FHIP1A: variants seen among roughly 807,000 people sequenced by gnomAD.
FHIP1A encodes FHF complex subunit HOOK-interacting protein 1A.
In FHIP1A, 61 loss-of-function variants were observed where a neutral mutation model predicts 88.6. That is an observed-to-expected ratio of 0.69 (90% confidence interval 0.56 to 0.85). The LOEUF (loss-of-function observed/expected upper bound fraction) is 0.85, where lower values mean the gene tolerates loss of function less well. Among genes scored for constraint, FHIP1A ranks in the 40% least tolerant of loss-of-function variants. The probability of loss-of-function intolerance (pLI) is 0.00; values close to 1 mark genes in which losing one functional copy is unlikely to be tolerated. For missense variants in FHIP1A, 1,154 were observed against 1,273.5 expected (o/e 0.91, Z 1.43); for synonymous variants, 478 against 496.0 (o/e 0.96, Z 0.48).
chr4:151,569,941 A>G (rs759596106), intron 4 of FHIP1A, among the ~76,000 whole-genome samples: 6 of 152,218 alleles, frequency 3.9e-5, no homozygotes, highest in Non-Finnish European at 8.8e-5. Flanking sequence ...GAATGGTTGC[A>G]TTCCAAATAG....
chr4:151,644,641 A>T (rs9307882), intron 9 of FHIP1A, among the ~76,000 whole-genome samples: 5,173 of 152,220 alleles, frequency 0.034, 293 homozygotes, highest in African/African-American at 0.12. Context: ...CATGAGGCAC[A>T]GTACCCCACC....
At chr4:151,632,054 C>G (rs1273585174) in intron 8 of FHIP1A, among the ~76,000 whole-genome samples, 1 of 152,052 alleles carries the variant, frequency 6.6e-6, no homozygotes, top group Non-Finnish European at 1.5e-5. Flanking sequence ...AAAAGACACT[C>G]ACTTTCGATC....
Position 151,495,873 on chromosome 4 carries a change from T to C in FHIP1A, c.-123+13225T>C, listed in dbSNP as rs1730444058. Reference sequence around the variant, plus strand: ...CTTGACCTCAGATGATCCTCCCGCATTGGCCACCCAAAGTGCTGAGATTAC... The same window carrying C: ...CTTGACCTCAGATGATCCTCCCGCACTGGCCACCCAAAGTGCTGAGATTAC... On this transcript the variant is annotated intron_variant, in intron 3 of 13. Coordinates refer to ENST00000435205, the MANE Select transcript of FHIP1A (RefSeq NM_001109977.3). 2.6e-5 allele frequency among the ~76,000 whole-genome samples: 4 copies of C among 152,274 alleles called. No homozygotes were observed. The South Asian group carries it at 6.2e-4, about 24-fold the overall frequency.
intron 3 of FHIP1A, among the ~76,000 whole-genome samples, chr4:151,549,489 T>TAAAA (rs57072592): frequency 1.8e-5 from 2 of 112,712 alleles, no homozygotes; most frequent in African/African-American, 3.4e-5. Flanking sequence ...AGACTCTGTC[T>TAAAA]AAAAAAAAAA....
At chr4:151,572,171 C>A (rs1330849035) in intron 4 of FHIP1A, among the ~76,000 whole-genome samples, 1 of 152,188 alleles carries the variant, frequency 6.6e-6, no homozygotes, top group African/African-American at 2.4e-5. Flanking sequence ...TGCACCATTG[C>A]ACTCCAGCCT....
intron 7 of FHIP1A, 22 bp downstream of exon 7, chr4:151,588,948 T>C (rs1158391330): frequency 7.0e-7 from 1 of 1,429,282 alleles, no homozygotes; most frequent in Non-Finnish European, 9.7e-7. Flanking sequence ...GCTCATGTAA[T>C]CTTCTGTCTC....
intron 3 of FHIP1A, among the ~76,000 whole-genome samples, chr4:151,488,817 T>G (rs920531971): frequency 7.9e-5 from 12 of 152,232 alleles, no homozygotes; most frequent in African/African-American, 2.7e-4. Flanking sequence ...TCAATATTGA[T>G]CATATGAAAG....
intron 5 of FHIP1A, among the ~76,000 whole-genome samples, chr4:151,584,198 A>G (rs1734124896): frequency 6.6e-6 from 1 of 152,078 alleles, no homozygotes; most frequent in African/African-American, 2.4e-5. Context: ...AGGCCCTCCC[A>G]TGACTTCATA....
In FHIP1A at chr4:151,450,435, A is replaced by G. The variant is rs115157310; in HGVS notation, c.-355-4266A>G. Among the ~76,000 whole-genome samples, 593 of 152,246 alleles carry G rather than the reference A, an allele frequency of 3.9e-3. 3 individuals carry two copies. The highest frequency in any genetic ancestry group is 0.014 in the African/African-American group (569 of 41,554). On this transcript the variant is annotated intron_variant, in intron 1 of 13. Transcript: ENST00000435205. ...GGGTGAATTGTGTTCTAGTTTATGGATATACCGTTATTTATTTAATCTATC... is the reference window on the plus strand; with the variant it reads ...GGGTGAATTGTGTTCTAGTTTATGGGTATACCGTTATTTATTTAATCTATC...
intron 7 of FHIP1A, among the ~76,000 whole-genome samples, chr4:151,626,848 A>C (rs538163541): frequency 9.1e-4 from 139 of 152,328 alleles, no homozygotes; most frequent in Non-Finnish European, 1.8e-3. Context: ...TTGGGGCATT[A>C]GCAGAAGATT....
intron 7 of FHIP1A, among the ~76,000 whole-genome samples, chr4:151,621,244 G>A (rs1288605475): frequency 6.6e-6 from 1 of 152,014 alleles, no homozygotes; most frequent in African/African-American, 2.4e-5. Flanking sequence ...CATTCTGATG[G>A]GATGCTCCTC....
chr4:151,452,023 G>T (rs950363640), intron 1 of FHIP1A, among the ~76,000 whole-genome samples: 2 of 151,934 alleles, frequency 1.3e-5, no homozygotes, highest in Non-Finnish European at 2.9e-5. Flanking sequence ...GTCTCCTTAC[G>T]CTGCCTAGGT....
intron 3 of FHIP1A, among the ~76,000 whole-genome samples, chr4:151,506,176 A>G (rs1342067717): frequency 6.6e-6 from 1 of 152,006 alleles, no homozygotes; most frequent in African/African-American, 2.4e-5. Flanking sequence ...TCCAAGTGCT[A>G]GTATTACAGG....
In FHIP1A at chr4:151,488,880, C is replaced by G. The variant is rs548084961; in HGVS notation, c.-123+6232C>G. Reference sequence around the variant, plus strand: ...TGATTTCTACCAATTCTACATGCTTCCTACTTTTGTAAAATAACTCGAGCT... The same window carrying G: ...TGATTTCTACCAATTCTACATGCTTGCTACTTTTGTAAAATAACTCGAGCT... On this transcript the variant is annotated intron_variant, in intron 3 of 13. Transcript: ENST00000435205. Among the ~76,000 whole-genome samples the G allele has an allele frequency of 8.5e-5, 13 of 152,286 alleles. No individual in the cohort carries two copies. The South Asian group carries it at 2.7e-3, about 32-fold the overall frequency.
intron 3 of FHIP1A, among the ~76,000 whole-genome samples, chr4:151,485,352 G>T: frequency 8.0e-6 from 1 of 124,684 alleles, no homozygotes; most frequent in Admixed American, 9.2e-5. Flanking sequence ...TATAATTTAT[G>T]TTTGGTCGTG....
At chr4:151,504,589 TATGTTATGTTATGTTATGTC>T (rs1171393176) in intron 3 of FHIP1A, among the ~76,000 whole-genome samples, 228 of 132,586 alleles carry the variant, frequency 1.7e-3, no homozygotes, top group Non-Finnish European at 3.0e-3. Context: ...TATGTTATGT[TATGTTATGTTATGTTATGTC>T]ATGTTATGTT....
intron 1 of FHIP1A, among the ~76,000 whole-genome samples, chr4:151,420,355 T>TTATGA (rs1733075173): frequency 2.8e-5 from 1 of 35,562 alleles, no homozygotes; most frequent in Non-Finnish European, 7.1e-5. Flanking sequence ...TGATGAGCAT[T>TTATGA]TCTTCATGTG....
chr4:151,446,113 A>C (rs1441471258), intron 1 of FHIP1A, among the ~76,000 whole-genome samples: 1 of 151,916 alleles, frequency 6.6e-6, no homozygotes. Context: ...AGGATACAGT[A>C]TATCAGTGTA....
intron 3 of FHIP1A, among the ~76,000 whole-genome samples, chr4:151,483,858 G>A (rs928909297): frequency 6.6e-6 from 1 of 152,100 alleles, no homozygotes; most frequent in Admixed American, 6.6e-5. Flanking sequence ...TGTCCACGTA[G>A]GACTTCTTAT....
Sources: gnomAD v4.1 joint callset for allele counts (sites outside exome capture counted in the v4.1 genomes callset) on GRCh38, gnomAD v4.1.1 for gene constraint, MANE v1.5 for transcripts, NCBI Gene and HGNC (gene_info 2026-07-23, HGNC 2026-07-21) for gene names.